The following EMC3 variants were observed in gnomAD, a reference collection of about 807,000 sequenced individuals.
EMC3 encodes ER membrane protein complex subunit 3.
Under a neutral mutation model 36.6 loss-of-function variants are expected in EMC3, and 13 were observed. The ratio of observed to expected loss-of-function variants is 0.35; its 90% CI spans 0.23 to 0.56. EMC3 has a LOEUF of 0.56. Ranked by LOEUF, EMC3 falls within the 20% of genes least tolerant of loss-of-function variation. EMC3 has a pLI of 0.84. For synonymous variants in EMC3, 120 were observed against 111.9 expected (o/e 1.07, Z -0.46); for missense variants, 220 against 324.5 (o/e 0.68, Z 2.47).
intron 5 of EMC3, among the ~76,000 whole-genome samples, chr3:9,971,917 C>A (rs1432754344): frequency 6.6e-6 from 1 of 152,116 alleles, no homozygotes; most frequent in Non-Finnish European, 1.5e-5. Flanking sequence ...AGGCAAGAGT[C>A]TGGAGAGGCT....
chr3:9,988,192 A>T (rs1341954244), upstream of EMC3, among the ~76,000 whole-genome samples: 1 of 152,126 alleles, frequency 6.6e-6, no homozygotes, highest in Non-Finnish European at 1.5e-5. Flanking sequence ...GTATGTGTTC[A>T]TATGTTTTCT....
chr3:10,001,405 CAAAAAAAAAA>C (rs60785369), intron 1 of EMC3, among the ~76,000 whole-genome samples: 16 of 79,648 alleles, frequency 2.0e-4, no homozygotes, highest in Admixed American at 4.2e-4. Flanking sequence ...GCTAAAAATA[CAAAAAAAAAA>C]AAAAAAAAAA....
intron 1 of EMC3, among the ~76,000 whole-genome samples, chr3:10,005,738 A>G (rs1209008532): frequency 6.6e-6 from 1 of 152,188 alleles, no homozygotes; most frequent in Non-Finnish European, 1.5e-5. Flanking sequence ...AATCCAGCTC[A>G]TGGTGGCCAT....
rs149452125 is a variant in EMC3, at chr3:9,964,172, G to A, written c.683C>T (p.Thr228Met). 9.3e-6 allele frequency: 15 copies of A among 1,613,972 alleles called. No individual in the cohort carries two copies. Among genetic ancestry groups the A allele is most frequent in the Middle Eastern group, 1.6e-4 (1 of 6,084 alleles). Residue 228 changes from threonine to methionine, a missense_variant, in exon 8 of 8, where the codon ACG becomes ATG. Physicochemically the swap from Thr to Met is moderately conservative, Grantham distance 81. Transcript: ENST00000245046. ...FKTEWEALEL[T>M]DHQWALDDVE... ...ATCATCTAGTGCCCACTGGTGATCC[G>A]TCAGCTCCAAAGCTTCCCACTCTGT...
rs1166111637 is a variant in EMC3 at position 9,986,817 on chromosome 3, A to C, written c.-156T>G. On this transcript the variant is annotated 5_prime_UTR_variant, in exon 1 of 8. Coordinates refer to ENST00000245046, the MANE Select transcript of EMC3 (RefSeq NM_001394674.1). ...ACTGTGAGCCGAGCTTACTGCCTTCAGCTGGGCTGCCTGGTCTTCCACTTC... is the reference window on the plus strand; with the variant it reads ...ACTGTGAGCCGAGCTTACTGCCTTCCGCTGGGCTGCCTGGTCTTCCACTTC... 1.1e-5 allele frequency: 15 copies of C among 1,421,750 alleles called. No individual in the cohort carries two copies. Among genetic ancestry groups the C allele is most frequent in the Non-Finnish European group, 1.4e-5 (15 of 1,085,648 alleles). 88.1% of individuals were successfully genotyped at this position (1,421,750 alleles called of 1,614,324 possible).
chr3:10,007,701 T>A, intron 1 of EMC3: 1 of 1,284,002 alleles, frequency 7.8e-7, no homozygotes, highest in Non-Finnish European at 1.0e-6. Context: ...GGTTTGTCCG[T>A]GTCTGGCAGT....
intron 1 of EMC3, among the ~76,000 whole-genome samples, chr3:9,996,737 C>T (rs554103352): frequency 2.6e-5 from 4 of 152,144 alleles, no homozygotes; most frequent in Admixed American, 6.5e-5. Flanking sequence ...GTCCTCTAGG[C>T]ACCTGGTTTG....
intron 1 of EMC3, among the ~76,000 whole-genome samples, chr3:9,993,923 G>C (rs776200355): frequency 4.6e-5 from 7 of 152,284 alleles, no homozygotes; most frequent in Non-Finnish European, 8.8e-5. Flanking sequence ...AAATCGAGCA[G>C]ATAGGAATGT....
intron 1 of EMC3, among the ~76,000 whole-genome samples, chr3:10,001,237 C>T (rs536100302): frequency 6.6e-6 from 1 of 151,972 alleles, no homozygotes; most frequent in African/African-American, 2.4e-5. Context: ...GGTCCTTTCA[C>T]CACTGAAATT....
chr3:10,006,188 G>C (rs1363879650), intron 1 of EMC3, among the ~76,000 whole-genome samples: 1 of 152,220 alleles, frequency 6.6e-6, no homozygotes, highest in Non-Finnish European at 1.5e-5. Flanking sequence ...CAGGAAGCCA[G>C]CATCGTCCAA....
chr3:10,003,279 A>G (rs1411101284), intron 1 of EMC3: 2 of 452,598 alleles, frequency 4.4e-6, no homozygotes, highest in Middle Eastern at 3.3e-4. Context: ...CAGCCTTGCC[A>G]ATAAGGAGGC....
chr3:9,965,981 C>A (rs1359551521), intron 7 of EMC3, among the ~76,000 whole-genome samples: 1 of 152,186 alleles, frequency 6.6e-6, no homozygotes, highest in African/African-American at 2.4e-5. Flanking sequence ...CACATTCTCA[C>A]ATAAGTTTCT....
intron 1 of EMC3, among the ~76,000 whole-genome samples, chr3:9,978,854 A>ACAAG (rs2085878954): frequency 6.6e-6 from 1 of 151,702 alleles, no homozygotes; most frequent in Admixed American, 6.6e-5. Context: ...AAACAAACAA[A>ACAAG]CAAACAAAAA....
rs2085977951 is a variant in EMC3, at chr3:9,986,720, GTT to G, written c.-61_-60del. On this transcript the variant is annotated 5_prime_UTR_variant, in exon 1 of 8. Coordinates refer to ENST00000245046, the MANE Select transcript of EMC3 (RefSeq NM_001394674.1). Reference sequence around the variant, plus strand: ...GCGAGCTTCTCTTCTCCGGGGCACAGTTGCTTCTCTTCGGCTTCGCCTCCGGG... The same window carrying G: ...GCGAGCTTCTCTTCTCCGGGGCACAGGCTTCTCTTCGGCTTCGCCTCCGGG... The G allele has an allele frequency of 1.4e-5, 23 of 1,599,446 alleles. No homozygotes were observed. Among genetic ancestry groups the G allele is most frequent in the Non-Finnish European group, 1.8e-5 (21 of 1,172,048 alleles).
chr3:9,988,306 T>C, upstream of EMC3: 1 of 741,646 alleles, frequency 1.3e-6, no homozygotes, highest in Non-Finnish European at 2.5e-6. Context: ...TAAGCAGGAA[T>C]TCACATCTTG....
Position 9,970,653 on chromosome 3 carries a change from G to C in EMC3, c.503C>G (p.Ser168Cys). The change falls in exon 6 of 8, where the codon TCT becomes TGT. Residue 168 changes from serine (S) to cysteine (C), a missense_variant. Transcript: ENST00000245046. ...TACATTGAGGAAGTACCAGGATGCAGAACTCACCCTGGCAAAGCAAAATGA... is the reference window on the plus strand; with the variant it reads ...TACATTGAGGAAGTACCAGGATGCACAACTCACCCTGGCAAAGCAAAATGA... ...LLTLDASWVS[S>C]ASWYFLNVFG... is the part of the protein sequence containing the mutation. The C allele has an allele frequency of 6.2e-7, 1 of 1,614,100 alleles. No individual in the cohort carries two copies. The highest frequency in any genetic ancestry group is 2.2e-5 in the East Asian group (1 of 44,880).
intron 5 of EMC3, among the ~76,000 whole-genome samples, chr3:9,972,868 G>A (rs866611713): frequency 2.0e-5 from 3 of 146,772 alleles, no homozygotes; most frequent in East Asian, 2.0e-4. Flanking sequence ...TCACTCTGTC[G>A]CCCAGGCTGG....
intron 1 of EMC3, among the ~76,000 whole-genome samples, chr3:9,984,043 G>A (rs370969329): frequency 4.6e-5 from 7 of 151,344 alleles, no homozygotes; most frequent in African/African-American, 1.5e-4. Flanking sequence ...TCCCCACTTC[G>A]CACTTTTCTA....
At chr3:10,001,823 C>T (rs1222446241) in intron 1 of EMC3, among the ~76,000 whole-genome samples, 1 of 151,762 alleles carries the variant, frequency 6.6e-6, no homozygotes, top group African/African-American at 2.4e-5. Flanking sequence ...CGATGAAACC[C>T]CATCTCTACT....
Sources: allele counts gnomAD v4.1 joint callset (sites outside exome capture counted in the v4.1 genomes callset), GRCh38; gene constraint gnomAD v4.1.1; transcripts MANE v1.5; gene names NCBI Gene and HGNC (gene_info 2026-07-23, HGNC 2026-07-21).